The following SGCZ variants were observed in gnomAD, a reference collection of about 807,000 sequenced individuals.
The protein encoded by SGCZ is zeta-sarcoglycan.
Under a neutral mutation model 41.3 loss-of-function variants are expected in SGCZ, and 40 were observed. The observed-to-expected ratio is 0.97, with a 90% CI of 0.75 to 1.26. The LOEUF (loss-of-function observed/expected upper bound fraction) is 1.26, where lower values mean the gene tolerates loss of function less well. Ranked by LOEUF, SGCZ falls within the 50% of genes most tolerant of loss-of-function variation. The pLI is 0.00. For missense variants in SGCZ, 552 were observed against 369.8 expected (o/e 1.49, Z -4.04); for synonymous variants, 206 against 137.5 (o/e 1.50, Z -3.49).
intron 1 of SGCZ, among the ~76,000 whole-genome samples, chr8:15,029,842 T>G (rs1329811516): frequency 6.6e-6 from 1 of 152,176 alleles, no homozygotes; most frequent in Non-Finnish European, 1.5e-5. Flanking sequence ...AATAATGGCT[T>G]CCATGAGATG....
chr8:14,415,145 T>G, intron 2 of SGCZ, among the ~76,000 whole-genome samples: 1 of 151,912 alleles, frequency 6.6e-6, no homozygotes, highest in East Asian at 1.9e-4. Flanking sequence ...ACCCCTTGAT[T>G]CATTGGGTCC....
At chr8:14,669,385 G>GTAAGTAAGTAAATAAA (rs1465447907) in intron 1 of SGCZ, among the ~76,000 whole-genome samples, 31 of 55,124 alleles carry the variant, frequency 5.6e-4, no homozygotes, top group African/African-American at 4.5e-3. Context: ...AAGTAAGTAA[G>GTAAGTAAGTAAATAAA]TAAATAAATA....
intron 1 of SGCZ, among the ~76,000 whole-genome samples, chr8:14,885,940 A>G (rs1804773030): frequency 7.1e-6 from 1 of 139,956 alleles, no homozygotes; most frequent in Non-Finnish European, 1.5e-5. Flanking sequence ...GAAATTTAGC[A>G]TATTTCTGTA....
intron 1 of SGCZ, among the ~76,000 whole-genome samples, chr8:14,789,038 T>C (rs189915007): frequency 6.6e-6 from 1 of 152,258 alleles, no homozygotes; most frequent in Non-Finnish European, 1.5e-5. Flanking sequence ...ATTTTTGGAC[T>C]CGTTAACATT....
intron 1 of SGCZ, among the ~76,000 whole-genome samples, chr8:15,169,359 G>A (rs1037239932): frequency 6.6e-6 from 1 of 152,194 alleles, no homozygotes; most frequent in Non-Finnish European, 1.5e-5. Flanking sequence ...GCAGGGGGAG[G>A]AGCCTGCCTC....
chr8:15,001,728 CA>C (rs1223307583), intron 1 of SGCZ, among the ~76,000 whole-genome samples: 5,529 of 81,144 alleles, frequency 0.068, 107 homozygotes, highest in African/African-American at 0.17. Context: ...GACTCCGTCT[CA>C]AAAAAAAAAA....
chr8:14,786,635 T>C (rs924655337), intron 1 of SGCZ, among the ~76,000 whole-genome samples: 1 of 152,120 alleles, frequency 6.6e-6, no homozygotes, highest in African/African-American at 2.4e-5. Flanking sequence ...AAGCCTCCCT[T>C]AAATAAATAC....
intron 1 of SGCZ, among the ~76,000 whole-genome samples, chr8:14,631,198 G>T (rs1484187207): frequency 6.6e-6 from 1 of 151,982 alleles, no homozygotes; most frequent in Non-Finnish European, 1.5e-5. Flanking sequence ...TCCTCCTCAG[G>T]GGTGAGGAGT....
Position 14,796,739 on chromosome 8 carries a change from C to G in SGCZ, c.40-241813G>C, listed in dbSNP as rs1440913194. 2.0e-5 allele frequency among the ~76,000 whole-genome samples: 3 copies of G among 152,168 alleles called. No individual in the cohort carries two copies. In the East Asian group the frequency reaches 5.8e-4, roughly 29 times the overall value. On this transcript the variant is annotated intron_variant, in intron 1 of 7. Coordinates refer to ENST00000382080, the MANE Select transcript of SGCZ (RefSeq NM_139167.4). Reference sequence around the variant, plus strand: ...ACTGTATTAGCCATGTGTCCCCATCCAAATCTCATCTCAAATTGCAGTTCC... The same window carrying G: ...ACTGTATTAGCCATGTGTCCCCATCGAAATCTCATCTCAAATTGCAGTTCC...
chr8:14,860,056 T>C (rs1039034507), intron 1 of SGCZ, among the ~76,000 whole-genome samples: 2 of 151,802 alleles, frequency 1.3e-5, no homozygotes, highest in East Asian at 3.9e-4. Flanking sequence ...CCCAATCCTT[T>C]AGGTTCCCTC....
At chr8:14,666,621 G>A (rs1026618318) in intron 1 of SGCZ, among the ~76,000 whole-genome samples, 3 of 148,240 alleles carry the variant, frequency 2.0e-5, no homozygotes, top group African/African-American at 7.5e-5. Flanking sequence ...GAGAAGGAGA[G>A]CACAAGTTAT....
intron 3 of SGCZ, chr8:14,309,549 C>T (rs2116993806): frequency 6.2e-7 from 1 of 1,610,464 alleles, no homozygotes; most frequent in African/African-American, 1.3e-5. Context: ...GAAGCTGTTA[C>T]ACATACAGGG....
intron 1 of SGCZ, among the ~76,000 whole-genome samples, chr8:14,957,346 A>G (rs977555387): frequency 6.6e-6 from 1 of 152,066 alleles, no homozygotes; most frequent in Non-Finnish European, 1.5e-5. Context: ...AGTATATGTG[A>G]AATAGCTTCA....
rs11994967 is a variant in SGCZ, at chr8:14,501,530, T to C, written c.234+53202A>G. On this transcript the variant is annotated intron_variant, in intron 2 of 7. Coordinates refer to ENST00000382080, the MANE Select transcript of SGCZ (RefSeq NM_139167.4). The stretch of plus-strand genomic sequence containing the variant: ...ATTTACAAATTAGATGAATTAATCA[T>C]ACAAGAGATCTATATCGTTGTAAAC... Among the ~76,000 whole-genome samples, 1,265 of 152,088 alleles carry C rather than the reference T, an allele frequency of 8.3e-3. 20 individuals carry two copies. The highest frequency in any genetic ancestry group is 0.029 in the African/African-American group (1,204 of 41,528).
intron 1 of SGCZ, among the ~76,000 whole-genome samples, chr8:14,750,735 G>A (rs1357289316): frequency 6.6e-6 from 1 of 152,042 alleles, no homozygotes; most frequent in Admixed American, 6.5e-5. Context: ...GACATGTCTG[G>A]GTATGCATGA....
intron 5 of SGCZ, among the ~76,000 whole-genome samples, chr8:14,124,172 A>G (rs550995604): frequency 6.6e-6 from 1 of 152,346 alleles, no homozygotes; most frequent in African/African-American, 2.4e-5. Flanking sequence ...CTAAATTTTT[A>G]GTAATTATAA....
At chr8:14,200,039 T>C (rs373274854) in intron 4 of SGCZ, among the ~76,000 whole-genome samples, 8 of 152,188 alleles carry the variant, frequency 5.3e-5, no homozygotes, top group Admixed American at 2.6e-4. Flanking sequence ...CGTATTCTTA[T>C]TGATAGCAAT....
At chr8:15,178,395 A>C (rs1800062898) in intron 1 of SGCZ, among the ~76,000 whole-genome samples, 1 of 152,126 alleles carries the variant, frequency 6.6e-6, no homozygotes, top group African/African-American at 2.4e-5. Context: ...AATTTCTCTA[A>C]GCCTCAATTA....
chr8:14,119,920 T>C (rs77924777), intron 5 of SGCZ, among the ~76,000 whole-genome samples: 29,340 of 152,114 alleles, frequency 0.19, 3,675 homozygotes, highest in East Asian at 0.65. Context: ...GCCCACTTGA[T>C]TGTGGTGGAT....
Sources: allele counts gnomAD v4.1 joint callset (sites outside exome capture counted in the v4.1 genomes callset), GRCh38; gene constraint gnomAD v4.1.1; transcripts MANE v1.5; gene names NCBI Gene and HGNC (gene_info 2026-07-23, HGNC 2026-07-21).